The following NPLOC4 variants were observed in gnomAD, a reference collection of about 807,000 sequenced individuals.
NPLOC4 encodes nuclear protein localization protein 4 homolog.
A neutral mutation model predicts 80.6 loss-of-function variants in NPLOC4; 18 were observed. The ratio of observed to expected loss-of-function variants is 0.22; its 90% CI spans 0.15 to 0.33. The LOEUF is 0.33. NPLOC4 is among the 10% of genes least tolerant of loss of function. The pLI is 1.00. For missense variants in NPLOC4, 540 were observed against 786.1 expected (o/e 0.69, Z 3.74); for synonymous variants, 313 against 301.5 (o/e 1.04, Z -0.39).
rs143191209 is a variant in NPLOC4 at position 81,620,860 on chromosome 17, A to T, written c.209+1306T>A. Among the ~76,000 whole-genome samples, 1,320 of 152,076 alleles carry T rather than the reference A, an allele frequency of 8.7e-3. 10 individuals are homozygous for T. Among genetic ancestry groups the T allele is most frequent in the Middle Eastern group, 0.017 (5 of 294 alleles). On this transcript the variant is annotated intron_variant, in intron 3 of 16. Transcript: ENST00000331134. ...CCAGATTTAAACTTTTTTTTAAAAAATTACCAGCTAGATTTGATTTAAAAG... is the reference window on the plus strand; with the variant it reads ...CCAGATTTAAACTTTTTTTTAAAAATTTACCAGCTAGATTTGATTTAAAAG...
chr17:81,575,347 C>A lies in NPLOC4; in HGVS notation c.1282-3259G>T, dbSNP rs934372490. The stretch of plus-strand genomic sequence containing the variant: ...CGATCTCCTGACCTCATGATCCACC[C>A]GCCTTGGCCTCCCAAAGTGCTGGGA... On this transcript the variant is annotated intron_variant, in intron 12 of 16. Coordinates refer to ENST00000331134, the MANE Select transcript of NPLOC4 (RefSeq NM_017921.4). 1.3e-4 allele frequency among the ~76,000 whole-genome samples: 20 copies of A among 152,210 alleles called. 1 individual carries two copies. The highest frequency in any genetic ancestry group is 2.0e-4 in the Admixed American group (3 of 15,280).
intron 3 of NPLOC4, among the ~76,000 whole-genome samples, chr17:81,616,326 A>AC (rs2035484849): frequency 6.9e-6 from 1 of 144,752 alleles, no homozygotes; most frequent in African/African-American, 2.6e-5. Context: ...GTCTCAAAAA[A>AC]AAAAAAAAAA....
chr17:81,599,124 A>G (rs933506494), intron 9 of NPLOC4, among the ~76,000 whole-genome samples: 1 of 152,158 alleles, frequency 6.6e-6, no homozygotes, highest in African/African-American at 2.4e-5. Flanking sequence ...CATCGTCTCT[A>G]TTAAAAATAC....
intron 3 of NPLOC4, among the ~76,000 whole-genome samples, chr17:81,617,157 G>A (rs1319972271): frequency 6.6e-6 from 1 of 152,182 alleles, no homozygotes; most frequent in Non-Finnish European, 1.5e-5. Flanking sequence ...CTTCACTGGA[G>A]GCCAGCGGGC....
chr17:81,627,442 C>G (rs1261908526), intron 2 of NPLOC4, among the ~76,000 whole-genome samples: 1 of 150,252 alleles, frequency 6.7e-6, no homozygotes, highest in Non-Finnish European at 1.5e-5. Flanking sequence ...ACTGTCAACT[C>G]AGAAATCTGT....
At chr17:81,604,989 A>G (rs562277000) in intron 7 of NPLOC4, among the ~76,000 whole-genome samples, 2 of 152,194 alleles carry the variant, frequency 1.3e-5, no homozygotes, top group Admixed American at 6.5e-5. Flanking sequence ...GGCTGGGCGC[A>G]GTGGCTCACG....
intron 16 of NPLOC4, chr17:81,565,285 C>G (rs1389489925): frequency 1.4e-6 from 1 of 701,376 alleles, no homozygotes. Context: ...GGCTGTGTAC[C>G]TAAGACGTAC....
intron 11 of NPLOC4, among the ~76,000 whole-genome samples, chr17:81,590,413 C>T (rs778123485): frequency 9.2e-5 from 14 of 152,202 alleles, no homozygotes; most frequent in Non-Finnish European, 1.9e-4. Context: ...GCAGCCTGAG[C>T]CTTTGGAGGA....
chr17:81,567,553 CATGA>C lies in NPLOC4; in HGVS notation c.1450-24_1450-21del. ...GAAGTCCTAGAGGAATGGGAATAAA[CATGA>C]ATGTTCCATACAGTTCCCCAGTGCC... On this transcript the variant is annotated intron_variant, in intron 14 of 16. Transcript: ENST00000331134. The surrounding 1 kb of genome is among the most constrained non-coding windows in gnomAD (Gnocchi z 4.5). 1 of 1,467,368 alleles carries C rather than the reference CATGA, an allele frequency of 6.8e-7. No individual in the cohort carries two copies. Among genetic ancestry groups the C allele is most frequent in the Non-Finnish European group, 9.5e-7 (1 of 1,051,080 alleles). The allele number at this position is 1,467,368 out of a possible 1,614,324, so 90.9% of individuals were successfully genotyped here.
chr17:81,611,470 C>T (rs1268747416), intron 4 of NPLOC4, among the ~76,000 whole-genome samples: 1 of 151,626 alleles, frequency 6.6e-6, no homozygotes, highest in Non-Finnish European at 1.5e-5. Flanking sequence ...CTGTCTCAGC[C>T]TCCCAAGTAG....
intron 6 of NPLOC4, 51 bp from the exon 7 acceptor site, chr17:81,606,865 A>G: frequency 1.9e-6 from 3 of 1,563,328 alleles, no homozygotes; most frequent in South Asian, 1.1e-5. Context: ...AAGTTGAGCA[A>G]GAGGCTGGAA....
intron 13 of NPLOC4, among the ~76,000 whole-genome samples, chr17:81,571,161 C>A (rs1452339376): frequency 6.6e-6 from 1 of 152,092 alleles, no homozygotes; most frequent in Non-Finnish European, 1.5e-5. Context: ...CTCGTGGGGA[C>A]CTGCTGTTCC....
intron 15 of NPLOC4, chr17:81,566,562 G>A (rs2034018363): frequency 6.6e-6 from 1 of 152,292 alleles, no homozygotes; most frequent in African/African-American, 2.4e-5. Context: ...CACAGGCAGG[G>A]AAGAGGCACA....
chr17:81,579,291 C>A (rs973941343), intron 12 of NPLOC4, among the ~76,000 whole-genome samples: 2 of 152,200 alleles, frequency 1.3e-5, no homozygotes, highest in African/African-American at 2.4e-5. Flanking sequence ...GGCAGGAGAA[C>A]TGCTTGAACC....
At chr17:81,595,434 A>G (rs1323898752) in intron 11 of NPLOC4, among the ~76,000 whole-genome samples, 2 of 146,856 alleles carry the variant, frequency 1.4e-5, no homozygotes, top group Non-Finnish European at 3.0e-5. Flanking sequence ...TGTCAAAAAA[A>G]AAAAAAAAAC....
chr17:81,630,012 G>C (rs1353781065), intron 1 of NPLOC4: 8 of 509,176 alleles, frequency 1.6e-5, no homozygotes, highest in South Asian at 8.3e-5. Flanking sequence ...TATTTTAAGA[G>C]TACTGTCCTC....
intron 2 of NPLOC4, among the ~76,000 whole-genome samples, chr17:81,626,231 G>A (rs761742900): frequency 3.3e-5 from 5 of 150,860 alleles, no homozygotes; most frequent in Admixed American, 6.6e-5. Context: ...CAGGAAAACC[G>A]CTTGAACCCC....
chr17:81,616,345 C>CAAAAAAAAAAAAAA (rs1598672426), intron 3 of NPLOC4, among the ~76,000 whole-genome samples: 1 of 137,654 alleles, frequency 7.3e-6, no homozygotes, highest in Non-Finnish European at 1.5e-5. Context: ...AAAAGAAAAG[C>CAAAAAAAAAAAAAA]AAAGCTGCTA....
At chr17:81,613,096 A>G (rs2035386279) in intron 4 of NPLOC4, 1 of 443,472 alleles carries the variant, frequency 2.3e-6, no homozygotes, top group South Asian at 3.8e-5. Flanking sequence ...TTTTATGGGA[A>G]CATATTTTGA....
Sources: allele counts gnomAD v4.1 joint callset (sites outside exome capture counted in the v4.1 genomes callset), GRCh38; gene constraint gnomAD v4.1.1; non-coding constraint Gnocchi (gnomAD v3.1); transcripts MANE v1.5; gene names NCBI Gene and HGNC (gene_info 2026-07-23, HGNC 2026-07-21).